Variants in VAV2 observed in about 807,000 individuals in gnomAD.
VAV2 encodes guanine nucleotide exchange factor VAV2.
In VAV2, 67 loss-of-function variants were observed where a neutral mutation model predicts 132.5. The observed-to-expected ratio is 0.51, with a 90% CI of 0.42 to 0.62. The LOEUF (loss-of-function observed/expected upper bound fraction) is 0.62, where lower values mean the gene tolerates loss of function less well. Among genes scored for constraint, VAV2 ranks in the 20% least tolerant of loss-of-function variants. The probability of loss-of-function intolerance (pLI) is 0.00; values close to 1 mark genes in which losing one functional copy is unlikely to be tolerated. For missense variants in VAV2, 938 were observed against 1,153.6 expected, an observed-to-expected ratio of 0.81 and a Z score of 2.71; for synonymous variants, 492 against 443.5, an observed-to-expected ratio of 1.11 and a Z score of -1.37.
intron 2 of VAV2, among the ~76,000 whole-genome samples, chr9:133,887,398 C>T (rs1034292341): frequency 6.6e-5 from 10 of 152,158 alleles, no homozygotes; most frequent in Admixed American, 6.5e-5. Flanking sequence ...GAGGTGTGGA[C>T]ATCTGGCCCC....
intron 3 of VAV2, among the ~76,000 whole-genome samples, chr9:133,856,470 C>T (rs1564409769): frequency 6.6e-6 from 1 of 151,464 alleles, no homozygotes; most frequent in Non-Finnish European, 1.5e-5. Context: ...CCACCGGGAC[C>T]CCATGCTGGT....
chr9:133,959,580 C>T (rs1841899934), intron 1 of VAV2, among the ~76,000 whole-genome samples: 1 of 152,212 alleles, frequency 6.6e-6, no homozygotes, highest in African/African-American at 2.4e-5. Flanking sequence ...AAAGAGTAAG[C>T]AGTGCAGAGG....
rs1833977743 is a variant in VAV2 at position 133,780,709 on chromosome 9, A to C, written c.1725T>G (p.Thr575=). 2 of 1,273,214 alleles carry C rather than the reference A, an allele frequency of 1.6e-6. No homozygotes were observed. The highest frequency in any genetic ancestry group is 1.5e-5 in the African/African-American group (1 of 64,576). 78.9% of individuals were successfully genotyped at this position (1,273,214 alleles called of 1,614,324 possible). A position where few individuals can be genotyped will look rare whatever the true frequency, so the allele number is the denominator to read the frequency against. ...CLEVIPPCKF[T]SPADLDASGA... is the part of the protein sequence containing the mutation. ...GGGGACTTACCAGATCTGCAGGAGA[A>C]GCTGGAAAGGAAGCAGGTCAGGTGT... Residue 575 remains threonine, a splice_region_variant and synonymous_variant, in exon 20 of 30, where the codon ACT becomes ACG. Transcript: ENST00000371850.
At position 133,926,526 on chromosome 9, in the gene VAV2, C is replaced by T. The variant is rs536526713; in HGVS notation, c.321+12577G>A. 1.3e-5 allele frequency among the ~76,000 whole-genome samples: 2 copies of T among 152,266 alleles called. No individual in the cohort carries two copies. The highest frequency in any genetic ancestry group is 4.1e-4 in the South Asian group (2 of 4,826). On this transcript the variant is annotated intron_variant, in intron 2 of 29. Transcript: ENST00000371850. This position sits in a 1 kb window ranked among gnomAD's most constrained non-coding sequence, Gnocchi z 4.3. Reference sequence around the variant, plus strand: ...TCTCTGGCACTGCCCTAGCTCCTGCCCCTCCCAGTCTCCTACTCCAAGCAG... The same window carrying T: ...TCTCTGGCACTGCCCTAGCTCCTGCTCCTCCCAGTCTCCTACTCCAAGCAG...
chr9:133,781,144 C>T (rs941161631), intron 19 of VAV2, among the ~76,000 whole-genome samples: 4 of 152,166 alleles, frequency 2.6e-5, no homozygotes, highest in Non-Finnish European at 5.9e-5. Context: ...CTGCCACAAC[C>T]GCTTAGTGAT....
At chr9:133,797,913 A>G (rs2131639719) in intron 9 of VAV2, 104 bp from the exon 10 acceptor site, 2 of 956,958 alleles carry the variant, frequency 2.1e-6, no homozygotes, top group Non-Finnish European at 1.6e-6. Context: ...GTGCGCAACC[A>G]ACAGGCCCCT....
chr9:133,778,748 GC>G lies in VAV2; in HGVS notation c.1890+13del. The G allele has an allele frequency of 1.9e-6, 3 of 1,611,464 alleles. No homozygotes were observed. Among genetic ancestry groups the G allele is most frequent in the Non-Finnish European group, 2.5e-6 (3 of 1,179,710 alleles). ...AGCCGGGGACCCTCGACCCTCCCGG[GC>G]CCCAGGACCCACCTCCCACCACGGA... On this transcript the variant is annotated intron_variant, in intron 22 of 29. Transcript: ENST00000371850.
intron 3 of VAV2, among the ~76,000 whole-genome samples, chr9:133,848,463 G>C (rs1216253658): frequency 6.6e-6 from 1 of 152,168 alleles, no homozygotes; most frequent in Non-Finnish European, 1.5e-5. Context: ...TTCTTGGGTT[G>C]ACTGGCCAGC....
rs184081100 is a variant in VAV2 at position 133,776,863 on chromosome 9, G to A, written c.1965+526C>T. Among the ~76,000 whole-genome samples, 884 of 152,280 alleles carry A rather than the reference G, an allele frequency of 5.8e-3. 18 individuals are homozygous for A. The highest frequency in any genetic ancestry group is 0.036 in the Admixed American group (555 of 15,298). ...CGCTCTCACTCTGAGCTGTCCTTTC[G>A]GGGTGGAGGTGGGGTAACTCATTTA... On this transcript the variant is annotated intron_variant, in intron 23 of 29. Coordinates refer to ENST00000371850, the MANE Select transcript of VAV2 (RefSeq NM_001134398.2).
chr9:133,870,681 G>C (rs1167606893), intron 2 of VAV2, among the ~76,000 whole-genome samples: 1 of 151,988 alleles, frequency 6.6e-6, no homozygotes, highest in Non-Finnish European at 1.5e-5. Context: ...GGATAAGTCG[G>C]TGGGTGGGTG....
At chr9:133,934,279 T>A (rs2519812) in intron 2 of VAV2, among the ~76,000 whole-genome samples, 123,484 of 152,112 alleles carry the variant, frequency 0.81, 51,525 homozygotes, top group East Asian at 0.93. Context: ...AGACAAGATC[T>A]GAAACACCAC....
chr9:133,856,514 T>C (rs1468468745), intron 3 of VAV2, among the ~76,000 whole-genome samples: 1 of 151,798 alleles, frequency 6.6e-6, no homozygotes. Flanking sequence ...TGCTGATATG[T>C]GCCCAGACAC....
chr9:133,770,649 T>C (rs1310358631), intron 26 of VAV2, 148 bp from the exon 27 acceptor site: 41 of 1,249,888 alleles, frequency 3.3e-5, no homozygotes, highest in Non-Finnish European at 4.0e-5. Context: ...CGCCAGCCCA[T>C]GGTGGGTGGT....
At chr9:133,962,651 G>A (rs185610946) in intron 1 of VAV2, among the ~76,000 whole-genome samples, 4 of 152,334 alleles carry the variant, frequency 2.6e-5, no homozygotes, top group Non-Finnish European at 5.9e-5. Flanking sequence ...CCGGTGCTGG[G>A]ACTCGGGGGG....
chr9:133,960,934 A>T (rs1841946361), intron 1 of VAV2, among the ~76,000 whole-genome samples: 1 of 152,106 alleles, frequency 6.6e-6, no homozygotes, highest in African/African-American at 2.4e-5. Context: ...GGCCTTGGAG[A>T]AGCCCAGGAG....
intron 2 of VAV2, among the ~76,000 whole-genome samples, chr9:133,923,626 C>T (rs955612914): frequency 2.6e-5 from 4 of 152,188 alleles, no homozygotes; most frequent in Non-Finnish European, 4.4e-5. Context: ...TTTGACCCAG[C>T]CATCCCATTA....
intron 2 of VAV2, among the ~76,000 whole-genome samples, chr9:133,934,452 G>A (rs1263045876): frequency 1.3e-5 from 2 of 152,338 alleles, no homozygotes; most frequent in East Asian, 1.9e-4. Flanking sequence ...GTTTCCAGAG[G>A]AGACTGGCCT....
At position 133,885,294 on chromosome 9, in the gene VAV2, G is replaced by A. The variant is rs763312188; in HGVS notation, c.322-23862C>T. Among the ~76,000 whole-genome samples the A allele has an allele frequency of 6.6e-6, 1 of 152,244 alleles. No individual in the cohort carries two copies. The highest frequency in any genetic ancestry group is 1.5e-5 in the Non-Finnish European group (1 of 68,040). ...TGGTCCATGTCCAGCCGCAGTGGAA[G>A]CGCCTGCCCTGCCCAGCTGCACTGT... On this transcript the variant is annotated intron_variant, in intron 2 of 29. Transcript: ENST00000371850. The surrounding 1 kb of genome is among the most constrained non-coding windows in gnomAD (Gnocchi z 5.0).
chr9:133,780,734 T>C, intron 19 of VAV2, 24 bp from the exon 20 acceptor site: 1 of 1,267,556 alleles, frequency 7.9e-7, no homozygotes, highest in South Asian at 3.4e-5. Flanking sequence ...AGGTCAGGTG[T>C]TAGAGGGGAG....
Sources: gnomAD v4.1 joint callset for allele counts (sites outside exome capture counted in the v4.1 genomes callset) on GRCh38, gnomAD v4.1.1 for gene constraint, Gnocchi (gnomAD v3.1) non-coding constraint, MANE v1.5 for transcripts, NCBI Gene and HGNC (gene_info 2026-07-23, HGNC 2026-07-21) for gene names.